MED12L: variants seen among roughly 807,000 people sequenced by gnomAD.
MED12L encodes mediator of RNA polymerase II transcription subunit 12-like protein.
MED12L carries 60 observed loss-of-function variants against 281.3 expected under a neutral mutation model. The ratio of observed to expected loss-of-function variants is 0.21; its 90% CI spans 0.17 to 0.26. MED12L has a LOEUF of 0.26. Among genes scored for constraint, MED12L ranks in the 10% least tolerant of loss-of-function variants. The probability of loss-of-function intolerance (pLI) is 1.00; values close to 1 mark genes in which losing one functional copy is unlikely to be tolerated. For missense variants in MED12L, 2,146 were observed against 2,680.9 expected (o/e 0.80, Z 4.41); for synonymous variants, 974 against 987.2 (o/e 0.99, Z 0.25).
In MED12L at chr3:151,290,218, A is replaced by G. The variant is rs780316816; in HGVS notation, c.2251-59841A>G. On this transcript the variant is annotated intron_variant, in intron 16 of 44. Transcript: ENST00000687756. ...AACATAATTCAAAGAGAAGTTGGCC[A>G]GTTTACTTTTATTAAAAATGTTTGC... 5.3e-5 allele frequency among the ~76,000 whole-genome samples: 8 copies of G among 152,328 alleles called. No individual in the cohort carries two copies. The South Asian group carries it at 1.7e-3, about 32-fold the overall frequency.
intron 16 of MED12L, chr3:151,269,560 T>G: frequency 3.3e-6 from 1 of 298,658 alleles, no homozygotes; most frequent in South Asian, 3.3e-5. Flanking sequence ...AATTTCAAAT[T>G]TTTGGGTAAC....
At chr3:151,407,964 T>A (rs964786458) in intron 39 of MED12L, among the ~76,000 whole-genome samples, 3 of 152,200 alleles carry the variant, frequency 2.0e-5, no homozygotes, top group African/African-American at 7.2e-5. Context: ...GTCCTTTTGG[T>A]TTTTCATTAG....
intron 38 of MED12L, among the ~76,000 whole-genome samples, chr3:151,394,165 G>T (rs190214973): frequency 6.6e-6 from 1 of 152,286 alleles, no homozygotes; most frequent in African/African-American, 2.4e-5. Flanking sequence ...AGATTTTAAA[G>T]TATTTTCATG....
At chr3:151,181,419 AT>A (rs201215650) in intron 11 of MED12L, among the ~76,000 whole-genome samples, 232 of 141,466 alleles carry the variant, frequency 1.6e-3, no homozygotes, top group East Asian at 4.1e-3. Flanking sequence ...CTTTCCTTCC[AT>A]TTTTTTTTTT....
At chr3:151,229,938 C>A (rs1305432579) in intron 16 of MED12L, among the ~76,000 whole-genome samples, 1 of 151,928 alleles carries the variant, frequency 6.6e-6, no homozygotes, top group South Asian at 2.1e-4. Context: ...TTTTATGAGT[C>A]CTAGGCTCAC....
intron 39 of MED12L, among the ~76,000 whole-genome samples, chr3:151,407,135 A>C (rs1716409309): frequency 6.6e-6 from 1 of 152,158 alleles, no homozygotes; most frequent in Admixed American, 6.5e-5. Context: ...GATCTCAACT[A>C]ATATATGTAA....
chr3:151,343,540 A>T (rs1293673114), intron 16 of MED12L, among the ~76,000 whole-genome samples: 2 of 152,200 alleles, frequency 1.3e-5, no homozygotes, highest in Non-Finnish European at 2.9e-5. Flanking sequence ...TTTAAGTGAA[A>T]AGTATCTCAG....
At chr3:151,158,334 C>A (rs951061238) in intron 6 of MED12L, among the ~76,000 whole-genome samples, 4 of 152,036 alleles carry the variant, frequency 2.6e-5, no homozygotes, top group Non-Finnish European at 5.9e-5. Flanking sequence ...CAGTGCTTAT[C>A]TTCTTTATAA....
intron 11 of MED12L, among the ~76,000 whole-genome samples, chr3:151,169,110 T>G (rs554038894): frequency 2.7e-5 from 4 of 146,470 alleles, no homozygotes; most frequent in South Asian, 4.2e-4. Flanking sequence ...TTCTTTGTTT[T>G]TTTTTTTTTT....
chr3:151,138,178 C>T (rs1716426446), intron 5 of MED12L, among the ~76,000 whole-genome samples: 1 of 150,590 alleles, frequency 6.6e-6, no homozygotes, highest in African/African-American at 2.4e-5. Flanking sequence ...GATACCTTGC[C>T]TTTTTTTTTA....
At chr3:151,250,436 A>T (rs976656034) in intron 16 of MED12L, among the ~76,000 whole-genome samples, 2 of 152,092 alleles carry the variant, frequency 1.3e-5, no homozygotes, top group African/African-American at 4.8e-5. Context: ...ATAATTCTCC[A>T]TTTATCCTTG....
chr3:151,259,647 G>A (rs996059171), intron 16 of MED12L, among the ~76,000 whole-genome samples: 9 of 152,120 alleles, frequency 5.9e-5, no homozygotes, highest in African/African-American at 1.2e-4. Flanking sequence ...AGATAGGTAG[G>A]TTTTACTTTG....
intron 11 of MED12L, among the ~76,000 whole-genome samples, chr3:151,176,334 G>T (rs1722043205): frequency 6.6e-6 from 1 of 151,936 alleles, no homozygotes; most frequent in African/African-American, 2.4e-5. Context: ...GTCCATATTT[G>T]GTTCACTTTC....
At chr3:151,366,624 T>C (rs1388622) in intron 23 of MED12L, among the ~76,000 whole-genome samples, 116,130 of 152,070 alleles carry the variant, frequency 0.76, 45,013 homozygotes, top group African/African-American at 0.89. Flanking sequence ...ATTGGAGTAG[T>C]CTTTGTCGTA....
chr3:151,309,119 G>GCACA (rs1177424724), intron 16 of MED12L, among the ~76,000 whole-genome samples: 6 of 144,234 alleles, frequency 4.2e-5, no homozygotes, highest in South Asian at 2.1e-4. Flanking sequence ...TGAAATACAC[G>GCACA]CACACACACA....
chr3:151,315,079 C>T (rs1238331893), intron 16 of MED12L, among the ~76,000 whole-genome samples: 1 of 152,184 alleles, frequency 6.6e-6, no homozygotes, highest in African/African-American at 2.4e-5. Context: ...GTCTTCACAA[C>T]CTTACCCTTT....
At chr3:151,252,895 A>G (rs181328711) in intron 16 of MED12L, among the ~76,000 whole-genome samples, 5 of 152,306 alleles carry the variant, frequency 3.3e-5, no homozygotes, top group African/African-American at 1.2e-4. Flanking sequence ...TTATTGATTT[A>G]AAGCAATGAC....
At chr3:151,118,824 G>A (rs373650829) in intron 3 of MED12L, among the ~76,000 whole-genome samples, 6 of 152,096 alleles carry the variant, frequency 3.9e-5, no homozygotes, top group South Asian at 2.1e-4. Flanking sequence ...CTCCCGAGTA[G>A]CTGGCTGCAC....
At chr3:151,429,794 C>T (rs796341129) in intron 43 of MED12L, among the ~76,000 whole-genome samples, 1 of 152,244 alleles carries the variant, frequency 6.6e-6, no homozygotes, top group African/African-American at 2.4e-5. Context: ...GTGGGATTAG[C>T]GAACCTTCAT....
Sources: allele counts gnomAD v4.1 joint callset (sites outside exome capture counted in the v4.1 genomes callset), GRCh38; gene constraint gnomAD v4.1.1; transcripts MANE v1.5; gene names NCBI Gene and HGNC (gene_info 2026-07-23, HGNC 2026-07-21).